AOAH: variants seen among roughly 807,000 people sequenced by gnomAD.
AOAH encodes the protein acyloxyacyl hydrolase (neutrophil).
In AOAH, 64 loss-of-function variants were observed where a neutral mutation model predicts 92.2. The ratio of observed to expected loss-of-function variants is 0.69; its 90% CI spans 0.57 to 0.86. AOAH has a LOEUF of 0.86. Among genes scored for constraint, AOAH ranks in the 40% least tolerant of loss-of-function variants. The probability of loss-of-function intolerance (pLI) is 0.00; values close to 1 mark genes in which losing one functional copy is unlikely to be tolerated. For synonymous variants in AOAH, 263 were observed against 254.5 expected (o/e 1.03, Z -0.32); for missense variants, 656 against 694.6 (o/e 0.94, Z 0.62).
At chr7:36,684,749 T>C (rs1161329076) in intron 2 of AOAH, among the ~76,000 whole-genome samples, 1 of 150,942 alleles carries the variant, frequency 6.6e-6, no homozygotes, top group East Asian at 1.9e-4. Flanking sequence ...AGAGACCCTG[T>C]CTCAGCAAAA....
chr7:36,694,949 A>AGC (rs1797625459), intron 1 of AOAH, among the ~76,000 whole-genome samples: 1 of 27,210 alleles, frequency 3.7e-5, no homozygotes, highest in Admixed American at 4.3e-4. Context: ...AGGGAGAGAA[A>AGC]GAGAGAGAGA....
chr7:36,680,417 A>T (rs775716195), intron 2 of AOAH, among the ~76,000 whole-genome samples: 2 of 152,236 alleles, frequency 1.3e-5, no homozygotes, highest in Non-Finnish European at 2.9e-5. Context: ...TTTGGAGGTG[A>T]AAGTAATACT....
intron 1 of AOAH, among the ~76,000 whole-genome samples, chr7:36,690,961 A>G (rs1409287183): frequency 6.6e-6 from 1 of 152,200 alleles, no homozygotes; most frequent in Admixed American, 6.5e-5. Context: ...CTGGCTGGAA[A>G]TACAGCCAAC....
chr7:36,578,539 T>C (rs1382583829), intron 12 of AOAH, among the ~76,000 whole-genome samples: 3 of 152,188 alleles, frequency 2.0e-5, no homozygotes, highest in Non-Finnish European at 4.4e-5. Context: ...CCACTCTCCA[T>C]TTTTCCATTT....
chr7:36,557,684 C>A lies in AOAH; in HGVS notation c.1022-8209G>T, dbSNP rs553184718. Among the ~76,000 whole-genome samples the A allele has an allele frequency of 2.0e-3, 308 of 152,182 alleles. 1 individual carries two copies. Among genetic ancestry groups the A allele is most frequent in the African/African-American group, 7.1e-3 (294 of 41,552 alleles). ...TATTTCTTGGAGGCTTTGTTCGTTT[C>A]TTTTTATTCTTTTTTCTCTAAACTT... On this transcript the variant is annotated intron_variant, in intron 13 of 20. Transcript: ENST00000617537.
intron 2 of AOAH, among the ~76,000 whole-genome samples, chr7:36,675,066 C>T (rs1257100745): frequency 6.6e-6 from 1 of 152,156 alleles, no homozygotes; most frequent in Non-Finnish European, 1.5e-5. Context: ...ACCAGCCTGG[C>T]CAACATAGTG....
chr7:36,521,612 A>T (rs1446527396), intron 20 of AOAH, among the ~76,000 whole-genome samples: 2 of 151,940 alleles, frequency 1.3e-5, no homozygotes, highest in African/African-American at 4.8e-5. Context: ...TAGAAAGACC[A>T]TAGAATAAAT....
intron 12 of AOAH, among the ~76,000 whole-genome samples, chr7:36,578,036 C>T (rs183092864): frequency 2.2e-4 from 33 of 152,172 alleles, no homozygotes; most frequent in African/African-American, 7.5e-4. Flanking sequence ...CTGAGAAAAC[C>T]AATGATAGTG....
At chr7:36,556,111 G>A (rs1786686583) in intron 13 of AOAH, among the ~76,000 whole-genome samples, 1 of 151,932 alleles carries the variant, frequency 6.6e-6, no homozygotes, top group Non-Finnish European at 1.5e-5. Context: ...GCTTTCTCTT[G>A]TGGACATTTA....
intron 11 of AOAH, among the ~76,000 whole-genome samples, chr7:36,610,177 AAAAG>A (rs1322562330): frequency 1.3e-5 from 2 of 150,034 alleles, no homozygotes; most frequent in Non-Finnish European, 3.0e-5. Flanking sequence ...AAAAAAAAAA[AAAAG>A]AATCGGTTTA....
rs1324653065 is a variant in AOAH, at chr7:36,637,925, T to A, written c.391-15A>T. 3 of 1,590,360 alleles carry A rather than the reference T, an allele frequency of 1.9e-6. No individual in the cohort carries two copies. Among genetic ancestry groups the A allele is most frequent in the Non-Finnish European group, 2.6e-6 (3 of 1,158,458 alleles). On this transcript the variant is annotated splice_polypyrimidine_tract_variant and intron_variant, in intron 4 of 20. Transcript: ENST00000617537. Reference sequence around the variant, plus strand: ...TTCCATGTCTCCTATAAAAACAAAGTTAGAGAACATTACAACTCATGTTTT... The same window carrying A: ...TTCCATGTCTCCTATAAAAACAAAGATAGAGAACATTACAACTCATGTTTT...
intron 1 of AOAH, among the ~76,000 whole-genome samples, chr7:36,704,994 C>A (rs1798299120): frequency 6.6e-6 from 1 of 152,078 alleles, no homozygotes; most frequent in Non-Finnish European, 1.5e-5. Flanking sequence ...GAGCATATAT[C>A]AAAATAATAA....
At position 36,516,704 on chromosome 7, in the gene AOAH, T is replaced by C. The variant is rs929535082; in HGVS notation, c.1600-3324A>G. On this transcript the variant is annotated intron_variant, in intron 20 of 20. Transcript: ENST00000617537. This position sits in a 1 kb window ranked among gnomAD's most constrained non-coding sequence, Gnocchi z 5.0. ...GGCTGCTGCCAGGTCTGTGGAAAAT[T>C]ACTGGTTCTTCTTTTTTGTGTTATT... 2.0e-5 allele frequency among the ~76,000 whole-genome samples: 3 copies of C among 152,064 alleles called. No homozygotes were observed. The highest frequency in any genetic ancestry group is 4.4e-5 in the Non-Finnish European group (3 of 68,026).
chr7:36,624,710 A>G (rs1410781661), intron 6 of AOAH, among the ~76,000 whole-genome samples: 1 of 152,306 alleles, frequency 6.6e-6, no homozygotes, highest in African/African-American at 2.4e-5. Context: ...ACCTCTAGCC[A>G]CAGTGGGCCC....
chr7:36,562,939 G>T lies in AOAH; in HGVS notation c.1022-13464C>A, dbSNP rs375063587. On this transcript the variant is annotated intron_variant, in intron 13 of 20. Coordinates refer to ENST00000617537, the MANE Select transcript of AOAH (RefSeq NM_001637.4). The stretch of plus-strand genomic sequence containing the variant: ...CAAGGCAGGCAGATCATGAAGTCAG[G>T]AGTTCGAGACCAACCTGGCCAACAT... 3.4e-4 allele frequency among the ~76,000 whole-genome samples: 51 copies of T among 151,928 alleles called. No homozygotes were observed. The Middle Eastern group carries it at 0.01, about 30-fold the overall frequency.
chr7:36,599,170 G>A (rs1021729092), intron 11 of AOAH, among the ~76,000 whole-genome samples: 5 of 152,156 alleles, frequency 3.3e-5, no homozygotes, highest in Admixed American at 2.0e-4. Context: ...CTGTGTGTGG[G>A]TATGTGTGTG....
intron 13 of AOAH, among the ~76,000 whole-genome samples, chr7:36,559,169 A>T (rs1327635536): frequency 6.6e-6 from 1 of 152,232 alleles, no homozygotes; most frequent in Non-Finnish European, 1.5e-5. Context: ...ATCTAGGTTG[A>T]TTCCATGTCT....
At chr7:36,660,314 T>C (rs1795141071) in intron 3 of AOAH, among the ~76,000 whole-genome samples, 1 of 151,088 alleles carries the variant, frequency 6.6e-6, no homozygotes, top group South Asian at 2.1e-4. Context: ...AGTCTTTTGT[T>C]TGTTTGTTTT....
rs1206548866 is a variant in AOAH at position 36,548,755 on chromosome 7, G to A, written c.1059-69C>T. 33 of 1,435,352 alleles carry A rather than the reference G, an allele frequency of 2.3e-5. No individual in the cohort carries two copies. The East Asian group carries it at 6.9e-4, about 30-fold the overall frequency. The allele number at this position is 1,435,352 out of a possible 1,614,324, so 88.9% of individuals were successfully genotyped here. ...CCTAGCTTTGTAGCCAGTGACACAGGCTGGGCCTTTGAAAACAATCTTGGT... is the reference window on the plus strand; with the variant it reads ...CCTAGCTTTGTAGCCAGTGACACAGACTGGGCCTTTGAAAACAATCTTGGT... On this transcript the variant is annotated intron_variant, in intron 14 of 20. Transcript: ENST00000617537.
Sources: gnomAD v4.1 joint callset for allele counts (sites outside exome capture counted in the v4.1 genomes callset) on GRCh38, gnomAD v4.1.1 for gene constraint, Gnocchi (gnomAD v3.1) non-coding constraint, MANE v1.5 for transcripts, NCBI Gene and HGNC (gene_info 2026-07-23, HGNC 2026-07-21) for gene names.